ANXA4: variants seen among roughly 807,000 people sequenced by gnomAD.
The protein encoded by ANXA4 is 35-beta calcimedin.
Under a neutral mutation model 49.8 loss-of-function variants are expected in ANXA4, and 39 were observed. The observed-to-expected ratio is 0.78, with a 90% CI of 0.61 to 1.02. The LOEUF is 1.02. Among genes scored for constraint, ANXA4 ranks in the 50% least tolerant of loss-of-function variants. The probability of loss-of-function intolerance (pLI) is 0.00; values close to 1 mark genes in which losing one functional copy is unlikely to be tolerated. For synonymous variants in ANXA4, 134 were observed against 152.5 expected (o/e 0.88, Z 0.89); for missense variants, 360 against 410.1 (o/e 0.88, Z 1.05).
Position 69,797,691 on chromosome 2 carries a change from G to A in ANXA4, c.98-6842G>A, listed in dbSNP as rs34764641. On this transcript the variant is annotated intron_variant, in intron 3 of 12. Transcript: ENST00000394295. ...GGCAGAATGGGTGTCTTCAGAGAAC[G>A]TAAGGGTCAAATGGTGGCCTTCCTG... Among the ~76,000 whole-genome samples the A allele has an allele frequency of 1.4e-4, 22 of 152,156 alleles. No homozygotes were observed. In the East Asian group the frequency reaches 4.1e-3, roughly 28 times the overall value.
At chr2:69,733,564 A>G (rs1276815375) in intron 3 of ANXA4, among the ~76,000 whole-genome samples, 1 of 151,536 alleles carries the variant, frequency 6.6e-6, no homozygotes, top group Non-Finnish European at 1.5e-5. Flanking sequence ...GTGAGCAGTG[A>G]TTGCACCACT....
chr2:69,663,396 A>C (rs900809797), intron 2 of ANXA4, among the ~76,000 whole-genome samples: 1 of 149,296 alleles, frequency 6.7e-6, no homozygotes, highest in African/African-American at 2.5e-5. Flanking sequence ...GGATCTGACA[A>C]TAAAGATAGA....
intron 2 of ANXA4, among the ~76,000 whole-genome samples, chr2:69,679,538 T>G (rs1337204480): frequency 2.0e-5 from 3 of 152,088 alleles, no homozygotes; most frequent in Non-Finnish European, 2.9e-5. Context: ...TTTGTGGGGG[T>G]TTTTTTCTGT....
chr2:69,767,746 C>A (rs548965839), intron 1 of ANXA4, among the ~76,000 whole-genome samples: 1 of 152,058 alleles, frequency 6.6e-6, no homozygotes, highest in African/African-American at 2.4e-5. Context: ...TGGAAGAGGA[C>A]GGTTTTTGTT....
At chr2:69,811,315 CTTAT>C (rs1022717863) in intron 7 of ANXA4, 1 of 152,904 alleles carries the variant, frequency 6.5e-6, no homozygotes, top group African/African-American at 2.4e-5. Context: ...GCAGTTTACA[CTTAT>C]TTATTTGGGA....
At chr2:69,786,676 C>T (rs187984818) in intron 2 of ANXA4, among the ~76,000 whole-genome samples, 310 of 152,114 alleles carry the variant, frequency 2.0e-3, no homozygotes, top group Admixed American at 3.7e-3. Flanking sequence ...ATAAGGAACC[C>T]CTTTGTGTAC....
chr2:69,781,510 T>G lies in ANXA4; in HGVS notation c.-46-10T>G. 6.2e-7 allele frequency: 1 copy of G among 1,608,858 alleles called. No homozygotes were observed. The highest frequency in any genetic ancestry group is 8.5e-7 in the Non-Finnish European group (1 of 1,175,598). ...TCATCACAGTAATTTCCCCTCTGCT[T>G]TTATCACAGAAGAACTTCTGCTTGG... On this transcript the variant is annotated splice_polypyrimidine_tract_variant and intron_variant, in intron 1 of 12. Transcript: ENST00000394295.
At chr2:69,757,522 C>T (rs568583638) in intron 1 of ANXA4, among the ~76,000 whole-genome samples, 4 of 150,048 alleles carry the variant, frequency 2.7e-5, no homozygotes, top group Admixed American at 6.6e-5. Context: ...ATCCGCCTGC[C>T]TCGGCCTCCC....
chr2:69,693,080 T>G (rs1678027215), intron 2 of ANXA4, among the ~76,000 whole-genome samples: 1 of 152,216 alleles, frequency 6.6e-6, no homozygotes, highest in Non-Finnish European at 1.5e-5. Flanking sequence ...TTCCCTGAAC[T>G]TTCAACATGC....
chr2:69,644,008 C>T, upstream of ANXA4: 1 of 526,716 alleles, frequency 1.9e-6, no homozygotes, highest in Non-Finnish European at 2.5e-6. Flanking sequence ...CGGCACAGTC[C>T]GGCTGCTGGA....
chr2:69,694,853 T>TG (rs1272575763), intron 2 of ANXA4, among the ~76,000 whole-genome samples: 7 of 152,138 alleles, frequency 4.6e-5, no homozygotes, highest in Non-Finnish European at 7.4e-5. Flanking sequence ...CTCAAACTGC[T>TG]GGGTTCAAGT....
Position 69,656,622 on chromosome 2 carries a change from C to T in ANXA4, n.766+3340C>T, listed in dbSNP as rs189050052. Among the ~76,000 whole-genome samples the T allele has an allele frequency of 5.8e-3, 848 of 146,914 alleles. 16 individuals carry two copies. The highest frequency in any genetic ancestry group is 0.01 in the East Asian group (52 of 4,988). On this transcript the variant is annotated intron_variant and non_coding_transcript_variant, in intron 2 of 3. Coordinates refer to the ANXA4 transcript ENST00000418066. ...GGATGGAGTTTAGCGGCCTGATTTC[C>T]GCTCACTGCAACCTCCACCTCCTGG... is the stretch of plus-strand genomic sequence containing the variant.
chr2:69,714,756 C>G (rs1422563708), intron 2 of ANXA4, among the ~76,000 whole-genome samples: 1 of 152,332 alleles, frequency 6.6e-6, no homozygotes, highest in Admixed American at 6.5e-5. Context: ...GTGCCTGAGT[C>G]GGTCAGCAGG....
intron 3 of ANXA4, among the ~76,000 whole-genome samples, chr2:69,725,572 G>A (rs1160975248): frequency 2.0e-5 from 3 of 151,980 alleles, no homozygotes; most frequent in East Asian, 1.9e-4. Context: ...TGTAGCCACC[G>A]CCCCCATTAG....
intron 2 of ANXA4, among the ~76,000 whole-genome samples, chr2:69,668,600 G>A (rs560023664): frequency 4.9e-4 from 74 of 152,214 alleles, no homozygotes; most frequent in Non-Finnish European, 8.5e-4. Flanking sequence ...ACACATACAT[G>A]TATGTGTATA....
intron 6 of ANXA4, chr2:69,808,280 T>C (rs958501501): frequency 1.5e-5 from 5 of 338,918 alleles, no homozygotes; most frequent in African/African-American, 1.1e-4. Flanking sequence ...ACAAAGAATC[T>C]AAGGTACTTG....
At chr2:69,775,252 G>C (rs1671919008) in intron 1 of ANXA4, among the ~76,000 whole-genome samples, 1 of 152,204 alleles carries the variant, frequency 6.6e-6, no homozygotes, top group African/African-American at 2.4e-5. Flanking sequence ...CTAGAGCGCA[G>C]ACTCACTGAA....
At chr2:69,664,395 G>A (rs543024937) in intron 2 of ANXA4, among the ~76,000 whole-genome samples, 1 of 152,128 alleles carries the variant, frequency 6.6e-6, no homozygotes, top group African/African-American at 2.4e-5. Flanking sequence ...TGAATGGTGG[G>A]GAAGGGTAAT....
chr2:69,819,273 T>G lies in ANXA4; in HGVS notation c.725-7T>G. On this transcript the variant is annotated splice_polypyrimidine_tract_variant and splice_region_variant and intron_variant, in intron 10 of 12. Coordinates refer to ENST00000394295, the MANE Select transcript of ANXA4 (RefSeq NM_001153.5). ...CTTTTCATTTCTTCTTTTTTTTTCT[T>G]TGACAGTAAAGTGCATGAGGAACAA... is the stretch of plus-strand genomic sequence containing the variant. The G allele has an allele frequency of 6.3e-7, 1 of 1,593,008 alleles. No homozygotes were observed. Among genetic ancestry groups the G allele is most frequent in the Non-Finnish European group, 8.6e-7 (1 of 1,168,780 alleles).
Sources: allele counts gnomAD v4.1 joint callset (sites outside exome capture counted in the v4.1 genomes callset), GRCh38; gene constraint gnomAD v4.1.1; transcripts MANE v1.5; gene names NCBI Gene and HGNC (gene_info 2026-07-23, HGNC 2026-07-21).